The following RABL2B variants were observed in gnomAD, a reference collection of about 807,000 sequenced individuals.
RABL2B encodes RAB, member of RAS oncogene family like 2B.
Under a neutral mutation model 26.7 loss-of-function variants are expected in RABL2B, and 17 were observed. The ratio of observed to expected loss-of-function variants is 0.64; its 90% confidence interval spans 0.44 to 0.95. The LOEUF is 0.95. Ranked by LOEUF, RABL2B falls within the 40% of genes least tolerant of loss-of-function variation. The pLI is 0.00. For missense variants in RABL2B, 170 were observed against 277.2 expected, an observed-to-expected ratio of 0.61 and a Z score of 2.75; for synonymous variants, 70 against 103.9, an observed-to-expected ratio of 0.67 and a Z score of 1.99.
intron 5 of RABL2B, chr22:50,770,342 T>G: frequency 6.1e-6 from 2 of 326,438 alleles, no homozygotes; most frequent in East Asian, 8.0e-5. Context: ...ATGGTGAAAT[T>G]CCGTCTCTAC....
Position 50,775,884 on chromosome 22 carries a change from T to C in RABL2B, c.218-33A>G, listed in dbSNP as rs1555923502. 8 of 1,614,160 alleles carry C rather than the reference T, an allele frequency of 5.0e-6. 1 individual carries two copies. The South Asian group carries it at 8.8e-5, about 18-fold the overall frequency. On this transcript the variant is annotated intron_variant, in intron 4 of 8. Transcript: ENST00000691320. ...GTGAACACAGACAGACCTACATGCC[T>C]GGTGCACTTCTGTGCAAGTCACTAA...
chr22:50,774,060 A>G (rs1398541555), intron 5 of RABL2B, among the ~76,000 whole-genome samples: 1 of 151,920 alleles, frequency 6.6e-6, no homozygotes, highest in African/African-American at 2.4e-5. Flanking sequence ...ACGCCCGGCT[A>G]ATTTTTTTGT....
In RABL2B at chr22:50,775,840, T is replaced by G. The variant is rs782505967; in HGVS notation, c.229A>C (p.Thr77Pro). ...CTCTGGAACCGCTCCTGGCCTGCCG[T>G]GTCCCAAAAGTCTGCAATGTGAACA... ...GRTILVDFWD[T>P]AGQERFQSMH... Residue 77 changes from threonine to proline, a missense_variant, in exon 5 of 9, where the codon ACG becomes CCG. Transcript: ENST00000691320. The G allele has an allele frequency of 1.9e-6, 3 of 1,614,212 alleles. No homozygotes were observed. The Admixed American group carries it at 5.0e-5, about 27-fold the overall frequency.
chr22:50,774,788 T>G (rs793074), intron 5 of RABL2B, among the ~76,000 whole-genome samples: 5,445 of 133,964 alleles, frequency 0.041, 121 homozygotes, highest in Non-Finnish European at 0.052. Context: ...AAAATGTGGG[T>G]TTTTTTTAGA....
At chr22:50,772,996 G>A in intron 5 of RABL2B, 4 of 1,285,692 alleles carry the variant, frequency 3.1e-6, no homozygotes, top group Non-Finnish European at 4.1e-6. Flanking sequence ...AGCAGACTGG[G>A]GCTGGTGGCA....
Position 50,775,805 on chromosome 22 carries a change from G to A in RABL2B, c.264C>T (p.Ala88=), listed in dbSNP as rs782384943. The part of the protein sequence containing the change: ...AGQERFQSMH[A]SYYHKAHACI... ...AGGCGTGGGCCTTGTGGTAGTAGGA[G>A]GCATGCATGCTCTGGAACCGCTCCT... Residue 88 remains alanine (A), a synonymous_variant, in exon 5 of 9, where the codon GCC becomes GCT. Coordinates refer to ENST00000691320, the MANE Select transcript of RABL2B (RefSeq NM_001130919.3). 1 of 1,614,194 alleles carries A rather than the reference G, an allele frequency of 6.2e-7. No homozygotes were observed.
At chr22:50,778,493 G>T (rs1217036799) in intron 2 of RABL2B, among the ~76,000 whole-genome samples, 4 of 151,990 alleles carry the variant, frequency 2.6e-5, no homozygotes, top group Admixed American at 6.6e-5. Flanking sequence ...TGAGACAGGA[G>T]AATCTGCTTG....
intron 4 of RABL2B, 139 bp downstream of exon 4, chr22:50,776,531 C>G (rs2085014293): frequency 7.8e-7 from 1 of 1,281,968 alleles, no homozygotes; most frequent in Non-Finnish European, 1.1e-6. Flanking sequence ...TCTCTGGGTT[C>G]TCTCTAGCAC....
At chr22:50,771,045 ATT>A (rs112046010) in intron 5 of RABL2B, among the ~76,000 whole-genome samples, 418 of 133,044 alleles carry the variant, frequency 3.1e-3, no homozygotes, top group Middle Eastern at 3.9e-3. Context: ...ACTGCCCCTG[ATT>A]TTTTTTTTTT....
rs1301034684 is a variant in RABL2B at position 50,783,590 on chromosome 22, G to C, written c.-143C>G. On this transcript the variant is annotated 5_prime_UTR_variant, in exon 1 of 9. Transcript: ENST00000691320. Reference sequence around the variant, plus strand: ...GCCAGTCTGGACTCTGCGCGCTCTCGAACCACGCCCGCCGGCCCAGCTCGC... The same window carrying C: ...GCCAGTCTGGACTCTGCGCGCTCTCCAACCACGCCCGCCGGCCCAGCTCGC... The C allele has an allele frequency of 3.3e-5, 5 of 152,932 alleles. No individual in the cohort carries two copies. Among genetic ancestry groups the C allele is most frequent in the African/African-American group, 4.8e-5 (2 of 41,494 alleles). 9.5% of individuals were successfully genotyped at this position (152,932 alleles called of 1,614,324 possible). A position where few individuals can be genotyped will look rare whatever the true frequency, so the allele number is the denominator to read the frequency against.
chr22:50,772,625 CGGGA>C (rs2084355539), intron 5 of RABL2B: 1 of 1,016,896 alleles, frequency 9.8e-7, no homozygotes, highest in African/African-American at 1.7e-5. Flanking sequence ...TGTGTGGTGG[CGGGA>C]GGGTCAGCAA....
chr22:50,770,824 A>C (rs1284095198), intron 5 of RABL2B, among the ~76,000 whole-genome samples: 1 of 151,400 alleles, frequency 6.6e-6, no homozygotes, highest in African/African-American at 2.4e-5. Context: ...ATCACAGCTC[A>C]CTGTAACCTC....
chr22:50,783,080 T>C (rs1308426779), intron 1 of RABL2B: 4 of 155,922 alleles, frequency 2.6e-5, no homozygotes, highest in African/African-American at 9.8e-5. Context: ...AAATCCAGCT[T>C]CATGGCTCCA....
At chr22:50,769,703 CTG>C in intron 6 of RABL2B, 151 bp from the exon 7 acceptor site, 1 of 1,340,406 alleles carries the variant, frequency 7.5e-7, no homozygotes, top group Non-Finnish European at 1.0e-6. Flanking sequence ...TAATAGGGAT[CTG>C]TGTCTTGGAA....
At chr22:50,778,492 A>T (rs1277256362) in intron 2 of RABL2B, among the ~76,000 whole-genome samples, 2 of 152,016 alleles carry the variant, frequency 1.3e-5, no homozygotes, top group African/African-American at 4.8e-5. Context: ...CTGAGACAGG[A>T]GAATCTGCTT....
intron 5 of RABL2B, chr22:50,770,460 C>T (rs142312103): frequency 3.2e-5 from 7 of 219,344 alleles, no homozygotes; most frequent in African/African-American, 6.9e-5. Flanking sequence ...GAGGTTGCAG[C>T]GAGCCCAGAT....
intron 2 of RABL2B, chr22:50,780,767 G>T (rs1555928171): frequency 4.3e-6 from 2 of 470,224 alleles, no homozygotes; most frequent in African/African-American, 4.0e-5. Flanking sequence ...TTAACTACTT[G>T]GATTCTTATT....
intron 3 of RABL2B, 133 bp from the exon 4 acceptor site, chr22:50,776,882 T>A (rs1409382031): frequency 7.7e-5 from 113 of 1,462,804 alleles, no homozygotes; most frequent in Non-Finnish European, 1.0e-4. Context: ...TTAAATCAAA[T>A]GAATGTTGCA....
chr22:50,772,708 A>G (rs2084366991), intron 5 of RABL2B: 1 of 1,050,296 alleles, frequency 9.5e-7, no homozygotes, highest in African/African-American at 1.6e-5. Flanking sequence ...TCAATGAATC[A>G]CCAGGTTGTC....
Sources: gnomAD v4.1 joint callset for allele counts (sites outside exome capture counted in the v4.1 genomes callset) on GRCh38, gnomAD v4.1.1 for gene constraint, MANE v1.5 for transcripts, NCBI Gene and HGNC (gene_info 2026-07-23, HGNC 2026-07-21) for gene names.